Variants in PTPRD observed in about 807,000 individuals in gnomAD.
The protein encoded by PTPRD is protein tyrosine phosphatase receptor type D.
In PTPRD, 34 loss-of-function variants were observed where a neutral mutation model predicts 214.5. The ratio of observed to expected loss-of-function variants is 0.16; its 90% CI spans 0.12 to 0.21. The LOEUF (loss-of-function observed/expected upper bound fraction) is 0.21. Ranked by LOEUF, PTPRD falls within the 10% of genes least tolerant of loss-of-function variation. The pLI is 1.00. For synonymous variants in PTPRD, 1,128 were observed against 845.7 expected, an observed-to-expected ratio of 1.33 and a Z score of -5.79; for missense variants, 2,545 against 2,398.7, an observed-to-expected ratio of 1.06 and a Z score of -1.27.
intron 11 of PTPRD, among the ~76,000 whole-genome samples, chr9:8,885,326 T>G (rs541605931): frequency 1.3e-5 from 2 of 152,148 alleles, no homozygotes; most frequent in South Asian, 4.2e-4. Flanking sequence ...GGGCATGGGA[T>G]GTTTAGGGAT....
intron 3 of PTPRD, among the ~76,000 whole-genome samples, chr9:10,283,748 A>C (rs146743001): frequency 2.1e-3 from 323 of 152,274 alleles, no homozygotes; most frequent in Non-Finnish European, 3.9e-3. Flanking sequence ...GATTGACCTA[A>C]TATCTTTAGG....
At chr9:9,624,230 G>C (rs957937264) in intron 7 of PTPRD, among the ~76,000 whole-genome samples, 1 of 151,698 alleles carries the variant, frequency 6.6e-6, no homozygotes, top group Admixed American at 6.6e-5. Context: ...CCTGTCTTCT[G>C]CTGGTTGACT....
At chr9:9,855,099 T>A (rs1014761918) in intron 5 of PTPRD, among the ~76,000 whole-genome samples, 1 of 152,046 alleles carries the variant, frequency 6.6e-6, no homozygotes, top group Admixed American at 6.6e-5. Context: ...AACATTGGAG[T>A]TGTCCTGATC....
chr9:9,563,254 A>G (rs57195613), intron 8 of PTPRD, among the ~76,000 whole-genome samples: 5,661 of 152,232 alleles, frequency 0.037, 148 homozygotes, highest in African/African-American at 0.073. Flanking sequence ...AGAAGAATCC[A>G]TGGCTTAGGT....
chr9:8,795,772 A>T (rs1176210387), intron 11 of PTPRD, among the ~76,000 whole-genome samples: 1 of 152,214 alleles, frequency 6.6e-6, no homozygotes, highest in African/African-American at 2.4e-5. Flanking sequence ...TTCTAAAGTC[A>T]AAGTTATCTA....
At chr9:8,618,899 TGTC>T in intron 14 of PTPRD, among the ~76,000 whole-genome samples, 2 of 139,108 alleles carry the variant, frequency 1.4e-5, no homozygotes, top group African/African-American at 5.4e-5. Context: ...TGTGTGTGTT[TGTC>T]TGTGTTTTTT....
chr9:10,583,546 G>A (rs2072812422), intron 2 of PTPRD, among the ~76,000 whole-genome samples: 3 of 152,060 alleles, frequency 2.0e-5, no homozygotes, highest in African/African-American at 7.2e-5. Flanking sequence ...CCGCCTCCCG[G>A]GTTCACACCA....
At chr9:10,480,822 A>T (rs1325856415) in intron 2 of PTPRD, among the ~76,000 whole-genome samples, 2 of 152,106 alleles carry the variant, frequency 1.3e-5, no homozygotes, top group Admixed American at 1.3e-4. Context: ...ATTGAGAAAA[A>T]AAAACTTATT....
intron 7 of PTPRD, among the ~76,000 whole-genome samples, chr9:9,701,644 G>A (rs2097504456): frequency 6.6e-6 from 1 of 152,126 alleles, no homozygotes; most frequent in Non-Finnish European, 1.5e-5. Context: ...CCTTGCAGAG[G>A]AAAATAGACA....
chr9:8,595,879 T>C (rs1291882811), intron 14 of PTPRD, among the ~76,000 whole-genome samples: 1 of 152,194 alleles, frequency 6.6e-6, no homozygotes, highest in African/African-American at 2.4e-5. Context: ...TAAGTTAGTA[T>C]GTCTTCAGTA....
rs145110801 is a variant in PTPRD, at chr9:10,033,252, A to G, written c.-472+466T>C. ...GAAATACTAATGCTATATACTGGTAAGAGAGAAACAATGCATTGAAACATA... is the reference window on the plus strand; with the variant it reads ...GAAATACTAATGCTATATACTGGTAGGAGAGAAACAATGCATTGAAACATA... On this transcript the variant is annotated intron_variant, in intron 4 of 45. Transcript: ENST00000381196. 2.9e-3 allele frequency among the ~76,000 whole-genome samples: 448 copies of G among 151,978 alleles called. 1 individual carries two copies. The highest frequency in any genetic ancestry group is 0.01 in the African/African-American group (423 of 41,504).
intron 5 of PTPRD, among the ~76,000 whole-genome samples, chr9:9,772,681 T>A (rs2098762203): frequency 6.6e-6 from 1 of 152,170 alleles, no homozygotes; most frequent in Admixed American, 6.5e-5. Context: ...TATCTGTCTA[T>A]ATAAAGTAAA....
chr9:10,313,930 A>G (rs1464042513), intron 3 of PTPRD, among the ~76,000 whole-genome samples: 2 of 151,934 alleles, frequency 1.3e-5, no homozygotes, highest in Non-Finnish European at 2.9e-5. Context: ...CAGACTAGAC[A>G]GATCATTTAT....
At chr9:9,014,537 T>G (rs1474034850) in intron 11 of PTPRD, among the ~76,000 whole-genome samples, 1 of 152,116 alleles carries the variant, frequency 6.6e-6, no homozygotes, top group Non-Finnish European at 1.5e-5. Context: ...AAGCATTGTG[T>G]TTGTCTAGAG....
chr9:9,725,708 C>T (rs1033677224), intron 7 of PTPRD, among the ~76,000 whole-genome samples: 91 of 152,156 alleles, frequency 6.0e-4, no homozygotes, highest in African/African-American at 2.1e-3. Flanking sequence ...GTTTATTTTT[C>T]TTCAAGAAGA....
intron 2 of PTPRD, among the ~76,000 whole-genome samples, chr9:10,394,193 T>A (rs1288013870): frequency 6.8e-6 from 1 of 146,310 alleles, no homozygotes; most frequent in Admixed American, 6.9e-5. Context: ...TATAAAGATA[T>A]ATATAAAGAT....
chr9:9,419,415 T>C (rs979983384), intron 8 of PTPRD, among the ~76,000 whole-genome samples: 2 of 150,874 alleles, frequency 1.3e-5, no homozygotes, highest in African/African-American at 4.9e-5. Flanking sequence ...TTAATGACTC[T>C]TCAACAGTTT....
intron 9 of PTPRD, among the ~76,000 whole-genome samples, chr9:9,239,372 C>T (rs1025889334): frequency 1.3e-5 from 2 of 152,068 alleles, no homozygotes; most frequent in Non-Finnish European, 2.9e-5. Context: ...ATAATACAAA[C>T]ATTTTTGCCT....
At chr9:8,507,572 T>A (rs1003081563) in intron 21 of PTPRD, 138 bp from the exon 22 acceptor site, 6 of 1,010,094 alleles carry the variant, frequency 5.9e-6, no homozygotes, top group Non-Finnish European at 8.7e-6. Context: ...TCCTTTACCT[T>A]GTCCAAGTTA....
Sources: allele counts gnomAD v4.1 joint callset (sites outside exome capture counted in the v4.1 genomes callset), GRCh38; gene constraint gnomAD v4.1.1; transcripts MANE v1.5; gene names NCBI Gene and HGNC (gene_info 2026-07-23, HGNC 2026-07-21).